KCNIP4: variants seen among roughly 807,000 people sequenced by gnomAD.
KCNIP4 encodes Kv channel-interacting protein 4.
KCNIP4 carries 12 observed loss-of-function variants against 34.0 expected under a neutral mutation model. The observed-to-expected ratio is 0.35, with a 90% CI of 0.23 to 0.57. KCNIP4 has a LOEUF of 0.57. Among genes scored for constraint, KCNIP4 ranks in the 20% least tolerant of loss-of-function variants. KCNIP4 has a pLI of 0.83. For synonymous variants in KCNIP4, 124 were observed against 102.2 expected, an observed-to-expected ratio of 1.21 and a Z score of -1.29; for missense variants, 238 against 311.7, an observed-to-expected ratio of 0.76 and a Z score of 1.78.
At chr4:20,803,756 AAGAAGGAAGGAAGGAC>A (rs1287657164) in intron 3 of KCNIP4, among the ~76,000 whole-genome samples, 2,729 of 138,402 alleles carry the variant, frequency 0.02, 68 homozygotes, top group African/African-American at 0.026. Context: ...GAAGGAAGGA[AAGAAGGAAGGAAGGAC>A]GGAAAATAGA....
intron 1 of KCNIP4, among the ~76,000 whole-genome samples, chr4:21,325,918 T>C (rs1714992395): frequency 6.6e-6 from 1 of 150,386 alleles, no homozygotes; most frequent in South Asian, 2.1e-4. Context: ...AAAATTCCTC[T>C]TGTTACTGAT....
chr4:20,735,088 A>C (rs1330083475), intron 5 of KCNIP4, among the ~76,000 whole-genome samples: 1 of 152,242 alleles, frequency 6.6e-6, no homozygotes, highest in East Asian at 1.9e-4. Flanking sequence ...AAAAAATACA[A>C]GTGCACACAT....
At position 21,789,454 on chromosome 4, in the gene KCNIP4, A is replaced by G. The variant is rs114908934; in HGVS notation, c.61+159117T>C. 1.4e-3 allele frequency among the ~76,000 whole-genome samples: 213 copies of G among 152,336 alleles called. 1 individual carries two copies. The highest frequency in any genetic ancestry group is 4.2e-3 in the African/African-American group (174 of 41,572). ...ATGGCGGTACCTACACAGTTATTCT[A>G]AGGCCAGTAGGGAACATGGTCTCTT... is the stretch of plus-strand genomic sequence containing the variant. On this transcript the variant is annotated intron_variant, in intron 1 of 8. Coordinates refer to ENST00000382152, the MANE Select transcript of KCNIP4 (RefSeq NM_025221.6).
At chr4:21,180,699 T>C (rs1754776563) in intron 1 of KCNIP4, among the ~76,000 whole-genome samples, 1 of 150,522 alleles carries the variant, frequency 6.6e-6, no homozygotes, top group African/African-American at 2.4e-5. Context: ...ATATAATATA[T>C]TTAGTATATT....
intron 1 of KCNIP4, among the ~76,000 whole-genome samples, chr4:21,119,213 C>G (rs997173038): frequency 2.6e-5 from 4 of 152,064 alleles, no homozygotes; most frequent in African/African-American, 9.7e-5. Flanking sequence ...GCATTTTGAG[C>G]TGACCAGGAA....
At chr4:21,628,231 T>G (rs1560574435) in intron 1 of KCNIP4, among the ~76,000 whole-genome samples, 1 of 152,164 alleles carries the variant, frequency 6.6e-6, no homozygotes, top group Non-Finnish European at 1.5e-5. Flanking sequence ...TCCTCCAAAA[T>G]TCTAAATTCT....
At chr4:21,744,694 C>G (rs1716656042) in intron 1 of KCNIP4, among the ~76,000 whole-genome samples, 2 of 152,108 alleles carry the variant, frequency 1.3e-5, no homozygotes, top group South Asian at 4.1e-4. Flanking sequence ...TGTCCAGGCT[C>G]CACAAACTTG....
chr4:21,893,968 T>G (rs995392567), intron 1 of KCNIP4, among the ~76,000 whole-genome samples: 2 of 152,104 alleles, frequency 1.3e-5, no homozygotes, highest in Non-Finnish European at 2.9e-5. Flanking sequence ...CCAGTATCAT[T>G]CTACACTTTT....
At chr4:20,860,893 C>G (rs1387712138) in intron 2 of KCNIP4, among the ~76,000 whole-genome samples, 1 of 152,134 alleles carries the variant, frequency 6.6e-6, no homozygotes, top group Non-Finnish European at 1.5e-5. Flanking sequence ...AAAGAAAAAG[C>G]TGCCTGGAGG....
chr4:21,103,103 T>C (rs1364012976), intron 1 of KCNIP4, among the ~76,000 whole-genome samples: 4 of 151,906 alleles, frequency 2.6e-5, no homozygotes, highest in African/African-American at 9.7e-5. Context: ...AATGGGGTGA[T>C]AGATATATTA....
intron 1 of KCNIP4, among the ~76,000 whole-genome samples, chr4:21,281,637 G>A (rs1262935078): frequency 6.6e-6 from 1 of 152,168 alleles, no homozygotes; most frequent in East Asian, 1.9e-4. Flanking sequence ...AGTAGTCTTT[G>A]AGACCCTGAA....
chr4:20,785,093 C>T (rs147882656), intron 3 of KCNIP4, among the ~76,000 whole-genome samples: 34 of 152,170 alleles, frequency 2.2e-4, no homozygotes, highest in African/African-American at 7.0e-4. Flanking sequence ...GACCACTCTC[C>T]CAACACCTGT....
intron 1 of KCNIP4, among the ~76,000 whole-genome samples, chr4:21,103,741 C>G: frequency 7.3e-6 from 1 of 136,746 alleles, no homozygotes; most frequent in Non-Finnish European, 1.6e-5. Flanking sequence ...CCCCTCCCCC[C>G]ACCACACAAC....
intron 1 of KCNIP4, among the ~76,000 whole-genome samples, chr4:20,884,222 A>G (rs1725029939): frequency 6.6e-6 from 1 of 152,126 alleles, no homozygotes; most frequent in Non-Finnish European, 1.5e-5. Flanking sequence ...CTTTTTAAAA[A>G]TTTTACTTTA....
At position 20,930,097 on chromosome 4, in the gene KCNIP4, G is replaced by A. The variant is rs569400734; in HGVS notation, c.62-47388C>T. Among the ~76,000 whole-genome samples, 5 of 152,094 alleles carry A rather than the reference G, an allele frequency of 3.3e-5. 1 individual carries two copies. The South Asian group carries it at 1.0e-3, about 32-fold the overall frequency. On this transcript the variant is annotated intron_variant, in intron 1 of 8. Transcript: ENST00000382152. ...ACAATGAGAAAGCAAAACAAAGCTT[G>A]AGGCATCACACTTCCTAAGTTAAAA...
chr4:21,745,151 T>A (rs2109135420), intron 1 of KCNIP4, among the ~76,000 whole-genome samples: 1 of 152,226 alleles, frequency 6.6e-6, no homozygotes, highest in East Asian at 1.9e-4. Context: ...TCCCAAGAAA[T>A]AAAGTAGAAA....
At chr4:21,601,907 TAA>T (rs1743199095) in intron 1 of KCNIP4, among the ~76,000 whole-genome samples, 1 of 152,152 alleles carries the variant, frequency 6.6e-6, no homozygotes, top group Admixed American at 6.6e-5. Flanking sequence ...CATCAAACGC[TAA>T]GTGTCCTCCC....
chr4:21,677,225 T>C (rs1415120379), intron 1 of KCNIP4, among the ~76,000 whole-genome samples: 1 of 152,218 alleles, frequency 6.6e-6, no homozygotes, highest in Non-Finnish European at 1.5e-5. Flanking sequence ...TTTTCAATAT[T>C]ACACATCCAA....
At chr4:21,841,100 T>C (rs1478955570) in intron 1 of KCNIP4, among the ~76,000 whole-genome samples, 1 of 152,174 alleles carries the variant, frequency 6.6e-6, no homozygotes, top group Non-Finnish European at 1.5e-5. Flanking sequence ...AAAATAACTA[T>C]AAAATTATTT....
Sources: gnomAD v4.1 joint callset for allele counts (sites outside exome capture counted in the v4.1 genomes callset) on GRCh38, gnomAD v4.1.1 for gene constraint, MANE v1.5 for transcripts, NCBI Gene and HGNC (gene_info 2026-07-23, HGNC 2026-07-21) for gene names.